Variants in EBF2 observed in about 807,000 individuals in gnomAD.
EBF2 encodes the protein EBF transcription factor 2.
Under a neutral mutation model 72.8 loss-of-function variants are expected in EBF2, and 21 were observed. That is an observed-to-expected ratio of 0.29 (90% CI 0.20 to 0.42). EBF2 has a LOEUF of 0.42. Ranked by LOEUF, EBF2 falls within the 10% of genes least tolerant of loss-of-function variation. EBF2 has a pLI of 1.00. For missense variants in EBF2, 637 were observed against 731.2 expected, an observed-to-expected ratio of 0.87 and a Z score of 1.49; for synonymous variants, 299 against 274.2, an observed-to-expected ratio of 1.09 and a Z score of -0.89.
chr8:25,942,497 T>A (rs1306888936), intron 6 of EBF2, among the ~76,000 whole-genome samples: 1 of 152,182 alleles, frequency 6.6e-6, no homozygotes, highest in Non-Finnish European at 1.5e-5. Context: ...GGACACAATG[T>A]CCCCTTGGGG....
intron 6 of EBF2, among the ~76,000 whole-genome samples, chr8:25,909,393 G>C (rs1407768488): frequency 7.2e-6 from 1 of 138,242 alleles, no homozygotes; most frequent in East Asian, 2.5e-4. Context: ...TTCACTTGCA[G>C]AGTCCTTTCC....
At chr8:26,005,293 A>ATAATATATAATATATAATTATAT (rs1378946857) in intron 6 of EBF2, among the ~76,000 whole-genome samples, 1 of 2,326 alleles carries the variant, frequency 4.3e-4, no homozygotes, top group African/African-American at 1.3e-3. Context: ...ATAATTATAT[A>ATAATATATAATATATAATTATAT]ATTATATATA....
At chr8:25,963,394 A>C (rs1298310855) in intron 6 of EBF2, among the ~76,000 whole-genome samples, 1 of 152,210 alleles carries the variant, frequency 6.6e-6, no homozygotes, top group African/African-American at 2.4e-5. Flanking sequence ...ACATAAAGGC[A>C]GTTCTGTAAA....
chr8:25,935,924 G>A (rs1251039364), intron 6 of EBF2, among the ~76,000 whole-genome samples: 1 of 152,170 alleles, frequency 6.6e-6, no homozygotes. Flanking sequence ...CGACCGGTGG[G>A]AGAAAGGAAA....
chr8:25,956,700 A>T (rs1803954390), intron 6 of EBF2, among the ~76,000 whole-genome samples: 1 of 152,254 alleles, frequency 6.6e-6, no homozygotes, highest in Admixed American at 6.5e-5. Context: ...TCAGCAGAGA[A>T]AGTAGATGGA....
At chr8:25,955,132 A>G (rs1156436129) in intron 6 of EBF2, among the ~76,000 whole-genome samples, 2 of 152,244 alleles carry the variant, frequency 1.3e-5, no homozygotes, top group African/African-American at 4.8e-5. Flanking sequence ...CACAGCGACA[A>G]GAGCATACCA....
At chr8:25,855,896 CTCTT>C (rs754636485) in intron 14 of EBF2, among the ~76,000 whole-genome samples, 38 of 152,206 alleles carry the variant, frequency 2.5e-4, no homozygotes, top group Non-Finnish European at 5.3e-4. Context: ...TCTCCCGTCT[CTCTT>C]TCTGTCTCCC....
At chr8:25,967,340 A>G (rs961366877) in intron 6 of EBF2, among the ~76,000 whole-genome samples, 2 of 152,226 alleles carry the variant, frequency 1.3e-5, no homozygotes, top group Admixed American at 1.3e-4. Context: ...TCAACATACA[A>G]TGGGGTTATA....
intron 6 of EBF2, among the ~76,000 whole-genome samples, chr8:26,031,016 T>C (rs536157889): frequency 1.3e-5 from 2 of 152,354 alleles, no homozygotes; most frequent in South Asian, 4.1e-4. Flanking sequence ...TTCTTTAAAG[T>C]AAGAGCTCCT....
intron 10 of EBF2, among the ~76,000 whole-genome samples, chr8:25,885,217 T>G (rs1245755297): frequency 6.6e-6 from 1 of 151,846 alleles, no homozygotes; most frequent in Non-Finnish European, 1.5e-5. Flanking sequence ...TCCTTTTTTT[T>G]TTAACTTTAA....
chr8:25,849,587 C>A (rs17054476), intron 15 of EBF2, among the ~76,000 whole-genome samples: 3,828 of 152,216 alleles, frequency 0.025, 176 homozygotes, highest in African/African-American at 0.085. Context: ...AGAGGAGCAG[C>A]CTAAAAATAA....
chr8:25,885,160 T>C (rs1802668891), intron 10 of EBF2, among the ~76,000 whole-genome samples: 1 of 152,118 alleles, frequency 6.6e-6, no homozygotes, highest in Non-Finnish European at 1.5e-5. Context: ...AAACCCTCAA[T>C]GCCTTCTTAT....
At chr8:26,024,863 C>A (rs954454208) in intron 6 of EBF2, among the ~76,000 whole-genome samples, 2 of 152,064 alleles carry the variant, frequency 1.3e-5, no homozygotes, top group Non-Finnish European at 2.9e-5. Flanking sequence ...CATCACACAG[C>A]TAATAAATAT....
intron 6 of EBF2, among the ~76,000 whole-genome samples, chr8:25,995,988 T>C (rs1342824645): frequency 1.3e-5 from 2 of 152,052 alleles, no homozygotes; most frequent in East Asian, 3.9e-4. Context: ...GCAAATAAAA[T>C]AGACTAAAAA....
At chr8:25,856,226 A>T (rs1802087417) in intron 14 of EBF2, among the ~76,000 whole-genome samples, 1 of 152,210 alleles carries the variant, frequency 6.6e-6, no homozygotes, top group Admixed American at 6.5e-5. Flanking sequence ...ATTTTTATGT[A>T]CAAAAACAAC....
At chr8:25,946,675 A>G (rs529832295) in intron 6 of EBF2, among the ~76,000 whole-genome samples, 2 of 152,224 alleles carry the variant, frequency 1.3e-5, no homozygotes, top group Admixed American at 1.3e-4. Context: ...CAGCCCAGAC[A>G]ACTCCCTCTG....
intron 6 of EBF2, among the ~76,000 whole-genome samples, chr8:26,011,234 A>G (rs1804976303): frequency 6.6e-6 from 1 of 152,186 alleles, no homozygotes. Context: ...TACGTTGCTA[A>G]TCTTGCTCTC....
intron 14 of EBF2, among the ~76,000 whole-genome samples, chr8:25,857,217 C>T (rs765578413): frequency 1.3e-5 from 2 of 152,110 alleles, no homozygotes; most frequent in Non-Finnish European, 2.9e-5. Context: ...GAACTGACCT[C>T]TACTACCCTT....
intron 10 of EBF2, among the ~76,000 whole-genome samples, chr8:25,867,757 T>A (rs938538852): frequency 1.3e-5 from 2 of 152,176 alleles, no homozygotes; most frequent in Admixed American, 6.5e-5. Context: ...TCCACTTAGA[T>A]GGTCCATAGA....
Sources: gnomAD v4.1 joint callset for allele counts (sites outside exome capture counted in the v4.1 genomes callset) on GRCh38, gnomAD v4.1.1 for gene constraint, MANE v1.5 for transcripts, NCBI Gene and HGNC (gene_info 2026-07-23, HGNC 2026-07-21) for gene names.